Variants in MYOM3 observed in about 807,000 individuals in gnomAD.
MYOM3 encodes the protein myomesin-3.
Under a neutral mutation model 191.7 loss-of-function variants are expected in MYOM3, and 155 were observed. The observed-to-expected ratio is 0.81, with a 90% CI of 0.71 to 0.92. The LOEUF (loss-of-function observed/expected upper bound fraction) is 0.92, where lower values mean the gene tolerates loss of function less well. Ranked by LOEUF, MYOM3 falls within the 40% of genes least tolerant of loss-of-function variation. MYOM3 has a pLI of 0.00. For missense variants in MYOM3, 1,889 were observed against 1,890.6 expected (o/e 1.00, Z 0.02); for synonymous variants, 757 against 762.9 (o/e 0.99, Z 0.13).
intron 11 of MYOM3, among the ~76,000 whole-genome samples, 170 bp downstream of exon 11, chr1:24,092,004 C>T (rs184685311): frequency 1.3e-5 from 2 of 152,260 alleles, no homozygotes; most frequent in East Asian, 3.9e-4. Context: ...GTGTGGATGC[C>T]CCTCCATTGC....
intron 3 of MYOM3, among the ~76,000 whole-genome samples, chr1:24,107,608 G>A (rs56283454): frequency 0.14 from 21,515 of 152,142 alleles, 2,085 homozygotes; most frequent in African/African-American, 0.28. Context: ...CAAGCCGAAC[G>A]CTGCCTCTCC....
chr1:24,108,381 G>A (rs1644005184), intron 2 of MYOM3, 95 bp downstream of exon 2: 1 of 1,316,570 alleles, frequency 7.6e-7, no homozygotes. Flanking sequence ...CCCCCATCAG[G>A]TTGGAGCCTC....
At position 24,080,048 on chromosome 1, in the gene MYOM3, T is replaced by G; in HGVS notation, c.2554A>C (p.Thr852Pro). The G allele has an allele frequency of 1.2e-6, 2 of 1,613,754 alleles. No homozygotes were observed. The highest frequency in any genetic ancestry group is 1.7e-6 in the Non-Finnish European group (2 of 1,179,882). ...EEGSEQWKPV[T>P]PGPISGTHLR... ...TGGGTGCCAGAGATGGGGCCTGGGGTGACCGGCTTCCACTGCTCAGAGCCT... is the reference window on the plus strand; with the variant it reads ...TGGGTGCCAGAGATGGGGCCTGGGGGGACCGGCTTCCACTGCTCAGAGCCT... Residue 852 changes from threonine to proline, a missense_variant, in exon 20 of 37, where the codon ACC becomes CCC. Coordinates refer to ENST00000374434, the MANE Select transcript of MYOM3 (RefSeq NM_152372.4).
intron 27 of MYOM3, 67 bp from the exon 28 acceptor site, chr1:24,067,155 C>T (rs1433477792): frequency 1.3e-6 from 2 of 1,486,920 alleles, no homozygotes; most frequent in Admixed American, 2.0e-5. Context: ...CACCTGTGTC[C>T]AGGCAGTGCT....
intron 4 of MYOM3, among the ~76,000 whole-genome samples, chr1:24,106,537 C>T (rs1478453699): frequency 6.6e-6 from 1 of 152,150 alleles, no homozygotes; most frequent in Non-Finnish European, 1.5e-5. Context: ...TTAAATCCCA[C>T]CTCAGCACTG....
chr1:24,063,811 G>A lies in MYOM3; in HGVS notation c.3622+261C>T, dbSNP rs1643401581. Among the ~76,000 whole-genome samples the A allele has an allele frequency of 6.6e-6, 1 of 152,150 alleles. No homozygotes were observed. Among genetic ancestry groups the A allele is most frequent in the African/African-American group, 2.4e-5 (1 of 41,416 alleles). ...CTGATGAGGAGCCTGGGCCCACTGT[G>A]GGACGGAGGAGTGAACTCAGGCTTC... On this transcript the variant is annotated intron_variant, in intron 30 of 36. Coordinates refer to ENST00000374434, the MANE Select transcript of MYOM3 (RefSeq NM_152372.4). This position sits in a 1 kb window ranked among gnomAD's most constrained non-coding sequence, Gnocchi z 4.5.
chr1:24,075,202 G>A lies in MYOM3; in HGVS notation c.2858+117C>T, dbSNP rs539284688. 8 of 985,054 alleles carry A rather than the reference G, an allele frequency of 8.1e-6. No homozygotes were observed. In the African/African-American group the frequency reaches 8.2e-5, roughly 10 times the overall value. The allele number at this position is 985,054 out of a possible 1,614,324, so 61.0% of individuals were successfully genotyped here. A position where few individuals can be genotyped will look rare whatever the true frequency, so the allele number is the denominator to read the frequency against. On this transcript the variant is annotated intron_variant, in intron 22 of 36. Coordinates refer to ENST00000374434, the MANE Select transcript of MYOM3 (RefSeq NM_152372.4). ...CGTCCTCAGTGAAAGACTGAGCAGC[G>A]CCTTTCAACCATCATGGATGGGTCC...
chr1:24,090,858 G>A lies in MYOM3; in HGVS notation c.1371C>T (p.Val457=). The A allele has an allele frequency of 6.2e-7, 1 of 1,614,160 alleles. No individual in the cohort carries two copies. Among genetic ancestry groups the A allele is most frequent in the East Asian group, 2.2e-5 (1 of 44,870 alleles). The change falls in exon 12 of 37, where the codon GTC becomes GTT. Residue 457 remains valine (V), a synonymous_variant. Coordinates refer to ENST00000374434, the MANE Select transcript of MYOM3 (RefSeq NM_152372.4). ...VRAISRVGSS[V]PSKASELVVM... ...CAACCAACTCTGAGGCCTTGGAGGGGACGCTGCTGCCTACCCTGCTGATGG... is the reference window on the plus strand; with the variant it reads ...CAACCAACTCTGAGGCCTTGGAGGGAACGCTGCTGCCTACCCTGCTGATGG...
intron 14 of MYOM3, 65 bp from the exon 15 acceptor site, chr1:24,086,892 T>A: frequency 2.0e-6 from 3 of 1,490,950 alleles, no homozygotes; most frequent in Non-Finnish European, 2.8e-6. Context: ...GCTGGTCACC[T>A]CCCATGATCT....
At position 24,068,222 on chromosome 1, in the gene MYOM3, C is replaced by T. The variant is rs1250015015; in HGVS notation, c.3295+1G>A. Reference sequence around the variant, plus strand: ...GCGGGGCGAGGCTGGGCATGGCTGACCGTCATCCACCAGTGTCAAGGTAAT... The same window carrying T: ...GCGGGGCGAGGCTGGGCATGGCTGATCGTCATCCACCAGTGTCAAGGTAAT... On this transcript the variant is annotated splice_donor_variant, in intron 26 of 36. Transcript: ENST00000374434. LOFTEE classifies it high-confidence loss of function. 3 of 1,607,530 alleles carry T rather than the reference C, an allele frequency of 1.9e-6. No individual in the cohort carries two copies. The highest frequency in any genetic ancestry group is 2.5e-6 in the Non-Finnish European group (3 of 1,179,840).
intron 34 of MYOM3, 21 bp from the exon 35 acceptor site, chr1:24,061,103 C>A (rs763787994): frequency 1.2e-6 from 2 of 1,614,148 alleles, no homozygotes; most frequent in Non-Finnish European, 1.7e-6. Flanking sequence ...GAAATGGGAA[C>A]AAGGTGTGAC....
intron 20 of MYOM3, among the ~76,000 whole-genome samples, chr1:24,077,685 T>G (rs1444718918): frequency 2.6e-5 from 4 of 152,238 alleles, no homozygotes; most frequent in Non-Finnish European, 5.9e-5. Context: ...CTTATTTAGC[T>G]TCCCATGCCT....
intron 20 of MYOM3, among the ~76,000 whole-genome samples, chr1:24,077,958 A>T (rs1393084818): frequency 6.6e-6 from 1 of 152,192 alleles, no homozygotes; most frequent in African/African-American, 2.4e-5. Flanking sequence ...ATTTTTTGGT[A>T]AAATGAAGGT....
chr1:24,075,540 C>A, intron 21 of MYOM3, 65 bp from the exon 22 acceptor site: 1 of 1,477,686 alleles, frequency 6.8e-7, no homozygotes, highest in South Asian at 1.4e-5. Context: ...CACACCCCTC[C>A]CCTGCTTAAA....
intron 29 of MYOM3, 44 bp from the exon 30 acceptor site, chr1:24,064,203 GA>G (rs1430818056): frequency 6.6e-7 from 1 of 1,515,672 alleles, no homozygotes; most frequent in Non-Finnish European, 9.1e-7. Flanking sequence ...ATGGGCTCCA[GA>G]AGGAGAGATG....
At position 24,084,472 on chromosome 1, in the gene MYOM3, T is replaced by C. The variant is rs1336729033; in HGVS notation, c.1966A>G (p.Thr656Ala). The C allele has an allele frequency of 6.2e-7, 1 of 1,614,058 alleles. No homozygotes were observed. The highest frequency in any genetic ancestry group is 1.3e-5 in the African/African-American group (1 of 74,908). Residue 656 changes from threonine (T) to alanine (A), a missense_variant, in exon 16 of 37, where the codon ACC becomes GCC. Thr to Ala is a moderately conservative substitution (Grantham distance 58). Coordinates refer to ENST00000374434, the MANE Select transcript of MYOM3 (RefSeq NM_152372.4). ...QTVNNKPIQG[T>A]RFTVPGLRTG... Reference sequence around the variant, plus strand: ...GATACGGGTGGGCAGACGTACCTGGTGCCTTGGATGGGTTTGTTGTTAACT... The same window carrying C: ...GATACGGGTGGGCAGACGTACCTGGCGCCTTGGATGGGTTTGTTGTTAACT...
intron 26 of MYOM3, 89 bp downstream of exon 26, chr1:24,068,134 A>T: frequency 6.8e-7 from 1 of 1,477,118 alleles, no homozygotes; most frequent in Non-Finnish European, 9.2e-7. Context: ...AGCAGGCTGC[A>T]GAGCCGAGGA....
At chr1:24,070,284 G>A (rs539495713) in intron 25 of MYOM3, among the ~76,000 whole-genome samples, 1 of 152,234 alleles carries the variant, frequency 6.6e-6, no homozygotes, top group South Asian at 2.1e-4. Flanking sequence ...AATGAGCATA[G>A]GTAAAGTAAC....
At position 24,063,304 on chromosome 1, in the gene MYOM3, G is replaced by T. The variant is rs1361786258; in HGVS notation, c.3662-70C>A. The T allele has an allele frequency of 6.9e-7, 1 of 1,439,884 alleles. No homozygotes were observed. Among genetic ancestry groups the T allele is most frequent in the Admixed American group, 1.7e-5 (1 of 58,766 alleles). 89.2% of individuals were successfully genotyped at this position (1,439,884 alleles called of 1,614,324 possible). ...AGGCATCAGATTTTGGGGCCGGCTT[G>T]TCTGCCTCTGCCCTGGGGGGCAGGT... On this transcript the variant is annotated intron_variant, in intron 31 of 36. Transcript: ENST00000374434. The surrounding 1 kb of genome is among the most constrained non-coding windows in gnomAD (Gnocchi z 4.5).
Sources: gnomAD v4.1 joint callset for allele counts (sites outside exome capture counted in the v4.1 genomes callset) on GRCh38, gnomAD v4.1.1 for gene constraint, Gnocchi (gnomAD v3.1) non-coding constraint, MANE v1.5 for transcripts, NCBI Gene and HGNC (gene_info 2026-07-23, HGNC 2026-07-21) for gene names.